DHRSX: variants seen among roughly 807,000 people sequenced by gnomAD.
The protein encoded by DHRSX is polyprenol dehydrogenase.
Under a neutral mutation model 34.0 loss-of-function variants are expected in DHRSX, and 31 were observed. The observed-to-expected ratio is 0.91, with a 90% CI of 0.69 to 1.23. The LOEUF is 1.23. DHRSX is among the 50% of genes most tolerant of loss of function. The probability of loss-of-function intolerance (pLI) is 0.00; values close to 1 mark genes in which losing one functional copy is unlikely to be tolerated. For missense variants in DHRSX, 414 were observed against 428.1 expected, an observed-to-expected ratio of 0.97 and a Z score of 0.29; for synonymous variants, 201 against 183.8, an observed-to-expected ratio of 1.09 and a Z score of -0.76.
At chrX:2,457,302 G>C (rs1429273420) in intron 1 of DHRSX, among the ~76,000 whole-genome samples, 1 of 151,700 alleles carries the variant, frequency 6.6e-6, no homozygotes, top group Non-Finnish European at 1.5e-5. Context: ...CAGCGGGATG[G>C]CCACTGTGTA....
chrX:2,330,971 A>G (rs2042465179), intron 3 of DHRSX, among the ~76,000 whole-genome samples: 1 of 152,194 alleles, frequency 6.6e-6, no homozygotes, highest in Non-Finnish European at 1.5e-5. Flanking sequence ...CACACGTCCA[A>G]GGAGACAATG....
At chrX:2,456,326 G>A (rs760863761) in intron 1 of DHRSX, among the ~76,000 whole-genome samples, 26 of 152,108 alleles carry the variant, frequency 1.7e-4, no homozygotes, top group Non-Finnish European at 3.1e-4. Flanking sequence ...CAAGAATGAA[G>A]GGTGCGGCCG....
chrX:2,292,340 A>C (rs2041876590), intron 3 of DHRSX, among the ~76,000 whole-genome samples: 1 of 152,124 alleles, frequency 6.6e-6, no homozygotes, highest in African/African-American at 2.4e-5. Flanking sequence ...AATTTCGAAG[A>C]TCCTGAGCTC....
chrX:2,317,319 T>TCAG (rs200543200), intron 3 of DHRSX, among the ~76,000 whole-genome samples: 4,287 of 142,972 alleles, frequency 0.03, 227 homozygotes, highest in African/African-American at 0.1. Context: ...TGGCGCAGTC[T>TCAG]CAGCTCACTG....
At chrX:2,399,100 C>G (rs992082684) in intron 3 of DHRSX, among the ~76,000 whole-genome samples, 1 of 149,010 alleles carries the variant, frequency 6.7e-6, no homozygotes, top group Non-Finnish European at 1.5e-5. Context: ...GTGATCTGCC[C>G]GCCTCGGCCA....
intron 1 of DHRSX, among the ~76,000 whole-genome samples, chrX:2,491,066 GTTTTTT>G (rs900738620): frequency 9.1e-6 from 1 of 110,246 alleles, no homozygotes; most frequent in Admixed American, 1.0e-4. Flanking sequence ...AGTGCCTTTA[GTTTTTT>G]TTTTTTTTTT....
intron 3 of DHRSX, among the ~76,000 whole-genome samples, chrX:2,316,292 T>C (rs1331455885): frequency 1.3e-5 from 2 of 152,174 alleles, no homozygotes; most frequent in East Asian, 1.9e-4. Context: ...GGCTCACGCC[T>C]GTAATTCCAG....
At chrX:2,224,756 G>A (rs1008308396) in intron 6 of DHRSX, among the ~76,000 whole-genome samples, 41 of 151,316 alleles carry the variant, frequency 2.7e-4, no homozygotes, top group Non-Finnish European at 5.5e-4. Flanking sequence ...ACACTTACTT[G>A]CACATGCATA....
At chrX:2,307,501 C>T (rs1477860814) in intron 3 of DHRSX, among the ~76,000 whole-genome samples, 5 of 152,142 alleles carry the variant, frequency 3.3e-5, no homozygotes, top group South Asian at 2.1e-4. Context: ...GGGTGGCTCA[C>T]GCCTGTAATC....
chrX:2,408,067 GA>G (rs765262802), intron 3 of DHRSX, among the ~76,000 whole-genome samples: 1 of 152,010 alleles, frequency 6.6e-6, no homozygotes. Flanking sequence ...GCACCTGGTC[GA>G]AAATCTTAAG....
intron 3 of DHRSX, among the ~76,000 whole-genome samples, chrX:2,343,221 T>C (rs894748442): frequency 6.6e-6 from 1 of 152,174 alleles, no homozygotes. Flanking sequence ...CCCTTAAATG[T>C]GCTTAGTCTA....
At chrX:2,272,317 C>T (rs2041568564) in intron 4 of DHRSX, among the ~76,000 whole-genome samples, 1 of 152,038 alleles carries the variant, frequency 6.6e-6, no homozygotes, top group South Asian at 2.1e-4. Flanking sequence ...TCATAAATTC[C>T]CAGCTTAGGA....
rs188615653 is a variant in DHRSX at position 2,327,356 on chromosome X, G to C, written c.287-35753C>G. On this transcript the variant is annotated intron_variant, in intron 3 of 6. Transcript: ENST00000334651. ...TTAGGCTCACAGTACTCCAACCACA[G>C]AAACGAGATGCCTCAAGGGAGGCAG... Among the ~76,000 whole-genome samples the C allele has an allele frequency of 2.3e-4, 35 of 152,328 alleles. No individual in the cohort carries two copies. The East Asian group carries it at 6.2e-3, about 27-fold the overall frequency.
chrX:2,299,763 G>A (rs1339402001), intron 3 of DHRSX, among the ~76,000 whole-genome samples: 4 of 151,872 alleles, frequency 2.6e-5, no homozygotes, highest in African/African-American at 9.7e-5. Flanking sequence ...GCTGAGGCAG[G>A]ACAATCGTTT....
chrX:2,460,173 G>A (rs1366983347), intron 1 of DHRSX, among the ~76,000 whole-genome samples: 2 of 152,118 alleles, frequency 1.3e-5, no homozygotes, highest in African/African-American at 2.4e-5. Flanking sequence ...TGACCTTCCA[G>A]TGAGCACACG....
At chrX:2,411,003 G>C (rs1403209455) in intron 2 of DHRSX, among the ~76,000 whole-genome samples, 2 of 152,136 alleles carry the variant, frequency 1.3e-5, no homozygotes, top group Non-Finnish European at 1.5e-5. Flanking sequence ...GAGGCAGCAG[G>C]CATTTCAGGG....
intron 1 of DHRSX, among the ~76,000 whole-genome samples, chrX:2,467,216 GAGA>G (rs2044510336): frequency 6.6e-6 from 1 of 152,134 alleles, no homozygotes; most frequent in Non-Finnish European, 1.5e-5. Flanking sequence ...ACTTGAGTGT[GAGA>G]AGGATTCCTT....
chrX:2,498,508 G>C (rs1359522889), intron 1 of DHRSX, among the ~76,000 whole-genome samples: 1 of 151,682 alleles, frequency 6.6e-6, no homozygotes, highest in Non-Finnish European at 1.5e-5. Context: ...TTAATCTTTA[G>C]AGAAGGCCAT....
intron 1 of DHRSX, among the ~76,000 whole-genome samples, chrX:2,456,899 G>A (rs2044306411): frequency 6.6e-6 from 1 of 152,092 alleles, no homozygotes; most frequent in South Asian, 2.1e-4. Context: ...CTGTGATTCA[G>A]ACCATTTCTT....
Sources: allele counts gnomAD v4.1 joint callset (sites outside exome capture counted in the v4.1 genomes callset), GRCh38; gene constraint gnomAD v4.1.1; transcripts MANE v1.5; gene names NCBI Gene and HGNC (gene_info 2026-07-23, HGNC 2026-07-21).